Variants in AOPEP observed in about 807,000 individuals in gnomAD.
The protein encoded by AOPEP is aminopeptidase O (putative).
Under a neutral mutation model 98.1 loss-of-function variants are expected in AOPEP, and 77 were observed. The ratio of observed to expected loss-of-function variants is 0.78; its 90% CI spans 0.65 to 0.95. The LOEUF is 0.95. AOPEP is among the 40% of genes least tolerant of loss of function. The probability of loss-of-function intolerance (pLI) is 0.00; values close to 1 mark genes in which losing one functional copy is unlikely to be tolerated. For missense variants in AOPEP, 1,024 were observed against 1,024.7 expected (o/e 1.00, Z 0.01); for synonymous variants, 346 against 365.3 (o/e 0.95, Z 0.60).
In AOPEP at chr9:94,789,270, T is replaced by C. The variant is rs1008960285; in HGVS notation, c.965-3495T>C. On this transcript the variant is annotated intron_variant, in intron 3 of 16. Transcript: ENST00000375315. The stretch of plus-strand genomic sequence containing the variant: ...GTCTGGGGAGGAAGCAAAGGTGGCC[T>C]CGGCCTCATACAGTTAAACCTCTCT... 3.9e-5 allele frequency among the ~76,000 whole-genome samples: 6 copies of C among 152,200 alleles called. No homozygotes were observed. In the East Asian group the frequency reaches 1.2e-3, roughly 29 times the overall value.
At chr9:94,860,503 G>A (rs956717080) in intron 5 of AOPEP, among the ~76,000 whole-genome samples, 1 of 152,190 alleles carries the variant, frequency 6.6e-6, no homozygotes, top group Non-Finnish European at 1.5e-5. Context: ...GTGGAATGGT[G>A]AGATGAGATG....
chr9:94,763,547 A>G (rs966177636), intron 2 of AOPEP: 6 of 153,460 alleles, frequency 3.9e-5, no homozygotes, highest in African/African-American at 1.4e-4. Flanking sequence ...AGAGGGTCTT[A>G]GAAGTAAGCA....
At chr9:94,964,991 A>G (rs947447725) in intron 9 of AOPEP, among the ~76,000 whole-genome samples, 2 of 152,230 alleles carry the variant, frequency 1.3e-5, no homozygotes, top group Non-Finnish European at 2.9e-5. Flanking sequence ...CAAGCCAGTG[A>G]GAAATTAATC....
At chr9:95,052,208 C>T (rs939091688) in intron 13 of AOPEP, among the ~76,000 whole-genome samples, 5 of 152,062 alleles carry the variant, frequency 3.3e-5, no homozygotes, top group East Asian at 1.9e-4. Context: ...GGCATTAAGT[C>T]GTTTATTTCA....
chr9:94,937,301 C>T (rs1010180244), intron 7 of AOPEP, among the ~76,000 whole-genome samples: 3 of 152,222 alleles, frequency 2.0e-5, no homozygotes, highest in Admixed American at 6.5e-5. Flanking sequence ...ACCAAATATA[C>T]ACTCCACAGT....
the AOPEP span, chr9:95,101,015 T>C: frequency 1.7e-5 from 4 of 233,560 alleles, no homozygotes; most frequent in African/African-American, 8.8e-5. Flanking sequence ...CCTTCTAATG[T>C]TTCTGGAACA....
chr9:95,005,394 C>G (rs1472652159), intron 12 of AOPEP, 148 bp from the exon 13 acceptor site: 7 of 892,328 alleles, frequency 7.8e-6, no homozygotes, highest in Non-Finnish European at 1.2e-5. Flanking sequence ...GTGAGGCGCC[C>G]GGCGAGTTCC....
chr9:95,043,265 T>TATATACAGATATATATACATAC (rs1785332656), intron 13 of AOPEP, among the ~76,000 whole-genome samples: 1 of 150,366 alleles, frequency 6.7e-6, no homozygotes, highest in Non-Finnish European at 1.5e-5. Context: ...TATATACATA[T>TATATACAGATATATATACATAC]ATATCTGTAT....
chr9:94,806,383 C>G (rs77611932), intron 5 of AOPEP, among the ~76,000 whole-genome samples: 1 of 152,122 alleles, frequency 6.6e-6, no homozygotes, highest in Non-Finnish European at 1.5e-5. Flanking sequence ...TAACTCTTCT[C>G]TGCTTTTTCA....
chr9:94,998,445 C>T (rs973052160), intron 11 of AOPEP, among the ~76,000 whole-genome samples: 2 of 152,184 alleles, frequency 1.3e-5, no homozygotes, highest in African/African-American at 4.8e-5. Flanking sequence ...GTCCTGTGCT[C>T]TCTGGTAGGG....
chr9:95,055,370 A>G (rs1353460348), intron 13 of AOPEP, among the ~76,000 whole-genome samples: 2 of 151,986 alleles, frequency 1.3e-5, no homozygotes, highest in Non-Finnish European at 2.9e-5. Flanking sequence ...GAGGAGGGAG[A>G]ACTCTTGGTT....
intron 14 of AOPEP, among the ~76,000 whole-genome samples, chr9:95,064,169 A>C (rs1224457763): frequency 6.6e-6 from 1 of 152,246 alleles, no homozygotes; most frequent in Admixed American, 6.5e-5. Flanking sequence ...TCCAGGATAG[A>C]AAGGAAACTC....
At chr9:94,971,651 C>T (rs1171486675) in intron 10 of AOPEP, among the ~76,000 whole-genome samples, 4 of 152,144 alleles carry the variant, frequency 2.6e-5, no homozygotes, top group Admixed American at 1.3e-4. Context: ...GTTCAGGGGC[C>T]GGCACTCTCT....
intron 10 of AOPEP, among the ~76,000 whole-genome samples, chr9:94,974,765 C>T (rs1215929079): frequency 6.6e-6 from 1 of 152,172 alleles, no homozygotes; most frequent in Non-Finnish European, 1.5e-5. Flanking sequence ...TTGTCAGTTC[C>T]ATAGTAGAAA....
At chr9:94,952,915 A>C (rs111481320) in intron 7 of AOPEP, among the ~76,000 whole-genome samples, 3,211 of 152,336 alleles carry the variant, frequency 0.021, 51 homozygotes, top group Non-Finnish European at 0.033. Context: ...TTCGGGAAGG[A>C]CATTTTTAGG....
At chr9:95,038,111 A>G (rs893668308) in intron 13 of AOPEP, among the ~76,000 whole-genome samples, 2 of 152,216 alleles carry the variant, frequency 1.3e-5, no homozygotes, top group African/African-American at 4.8e-5. Flanking sequence ...TACTGTCCTG[A>G]TGCAGGAGAA....
chr9:94,766,926 G>A (rs1201823353), intron 2 of AOPEP, among the ~76,000 whole-genome samples: 6 of 152,136 alleles, frequency 3.9e-5, no homozygotes, highest in Non-Finnish European at 7.3e-5. Flanking sequence ...TTGGGCCAGG[G>A]AAGATGTAGA....
At chr9:95,048,585 C>G (rs994990162) in intron 13 of AOPEP, among the ~76,000 whole-genome samples, 4 of 152,086 alleles carry the variant, frequency 2.6e-5, no homozygotes, top group Middle Eastern at 3.2e-3. Flanking sequence ...GGGACCAGAA[C>G]AGCGCAGGCT....
rs72747023 is a variant in AOPEP at position 94,745,210 on chromosome 9, C to T, written c.-135-14439C>T. Among the ~76,000 whole-genome samples, 805 of 152,260 alleles carry T rather than the reference C, an allele frequency of 5.3e-3. 11 individuals are homozygous for T. Among genetic ancestry groups the T allele is most frequent in the South Asian group, 0.044 (211 of 4,816 alleles). ...TATCTTTGTACCCATTAACCATCCC[C>T]GTTCTCCCTCCTACCTAGCCTCTGG... On this transcript the variant is annotated intron_variant, in intron 1 of 16. Transcript: ENST00000375315.
Sources: gnomAD v4.1 joint callset for allele counts (sites outside exome capture counted in the v4.1 genomes callset) on GRCh38, gnomAD v4.1.1 for gene constraint, MANE v1.5 for transcripts, NCBI Gene and HGNC (gene_info 2026-07-23, HGNC 2026-07-21) for gene names.